Variants in EPHB1 observed in about 807,000 individuals in gnomAD.
The protein encoded by EPHB1 is ephrin type-B receptor 1.
Under a neutral mutation model 94.4 loss-of-function variants are expected in EPHB1, and 30 were observed. The observed-to-expected ratio is 0.32, with a 90% CI of 0.24 to 0.43. The LOEUF is 0.43. Among genes scored for constraint, EPHB1 ranks in the 20% least tolerant of loss-of-function variants. EPHB1 has a pLI of 1.00. For synonymous variants in EPHB1, 522 were observed against 489.1 expected, an observed-to-expected ratio of 1.07 and a Z score of -0.89; for missense variants, 1,055 against 1,308.3, an observed-to-expected ratio of 0.81 and a Z score of 2.99.
At chr3:135,103,499 A>G (rs1939102535) in intron 3 of EPHB1, among the ~76,000 whole-genome samples, 3 of 152,208 alleles carry the variant, frequency 2.0e-5, no homozygotes, top group South Asian at 2.1e-4. Context: ...AGGAGTTAGC[A>G]TTATTTAGCA....
chr3:135,114,284 C>G (rs1180809740), intron 4 of EPHB1, among the ~76,000 whole-genome samples: 1 of 152,034 alleles, frequency 6.6e-6, no homozygotes, highest in Non-Finnish European at 1.5e-5. Flanking sequence ...GGTTCAAGTC[C>G]TGCTCTACTA....
chr3:134,901,600 G>A (rs1479862530), intron 1 of EPHB1, among the ~76,000 whole-genome samples: 1 of 152,224 alleles, frequency 6.6e-6, no homozygotes, highest in Non-Finnish European at 1.5e-5. Context: ...ATATGGGAAA[G>A]GCATCTCACT....
chr3:135,030,243 C>A (rs1329912354), intron 3 of EPHB1, among the ~76,000 whole-genome samples: 1 of 152,222 alleles, frequency 6.6e-6, no homozygotes, highest in African/African-American at 2.4e-5. Context: ...CATTCTCCGT[C>A]CAGCTTTGTT....
chr3:135,129,079 C>A (rs1396653926), intron 4 of EPHB1, among the ~76,000 whole-genome samples: 1 of 152,108 alleles, frequency 6.6e-6, no homozygotes, highest in African/African-American at 2.4e-5. Flanking sequence ...TTCACAAGCC[C>A]CTGTTCATGC....
chr3:135,022,407 T>C (rs573864018), intron 3 of EPHB1, among the ~76,000 whole-genome samples: 1 of 152,322 alleles, frequency 6.6e-6, no homozygotes, highest in East Asian at 1.9e-4. Flanking sequence ...CTAGACAGAA[T>C]TTTATATTTT....
chr3:134,976,279 A>G (rs1042307904), intron 3 of EPHB1, among the ~76,000 whole-genome samples: 4 of 152,210 alleles, frequency 2.6e-5, no homozygotes, highest in Non-Finnish European at 5.9e-5. Context: ...AGGAGGCGCC[A>G]AGGACAGGAT....
intron 3 of EPHB1, among the ~76,000 whole-genome samples, chr3:135,090,908 C>T (rs974835804): frequency 4.6e-5 from 7 of 152,176 alleles, no homozygotes; most frequent in Admixed American, 6.5e-5. Context: ...TTTATGACTT[C>T]GTGACCTGGG....
chr3:135,211,359 T>C (rs1389145601), intron 12 of EPHB1, among the ~76,000 whole-genome samples: 1 of 152,208 alleles, frequency 6.6e-6, no homozygotes, highest in East Asian at 1.9e-4. Context: ...TGTTTTACAT[T>C]GCCTCAAAAT....
At chr3:135,232,281 C>T (rs765867365) in intron 12 of EPHB1, among the ~76,000 whole-genome samples, 1 of 152,224 alleles carries the variant, frequency 6.6e-6, no homozygotes, top group Non-Finnish European at 1.5e-5. Context: ...TCTAATTTGA[C>T]ACAGAAACAC....
At chr3:135,058,841 C>T (rs1937416092) in intron 3 of EPHB1, among the ~76,000 whole-genome samples, 1 of 152,178 alleles carries the variant, frequency 6.6e-6, no homozygotes, top group Non-Finnish European at 1.5e-5. Flanking sequence ...TGCAGGGCTC[C>T]TCCAACATTT....
chr3:135,233,880 A>G (rs934430605), intron 12 of EPHB1, among the ~76,000 whole-genome samples: 4 of 151,950 alleles, frequency 2.6e-5, no homozygotes, highest in African/African-American at 9.7e-5. Flanking sequence ...CTGTACCTTG[A>G]CCCCTTTTGG....
intron 12 of EPHB1, among the ~76,000 whole-genome samples, chr3:135,213,156 C>A (rs1211984634): frequency 1.3e-5 from 2 of 152,210 alleles, no homozygotes; most frequent in Non-Finnish European, 2.9e-5. Context: ...TTGTTTTCCC[C>A]CAGGTGTTCC....
intron 1 of EPHB1, among the ~76,000 whole-genome samples, chr3:134,910,127 C>T (rs900298210): frequency 6.6e-6 from 1 of 152,204 alleles, no homozygotes; most frequent in Non-Finnish European, 1.5e-5. Flanking sequence ...ATCCTTAGGC[C>T]TGGGGCATCT....
chr3:135,102,365 A>G (rs1340517475), intron 3 of EPHB1, among the ~76,000 whole-genome samples: 4 of 152,168 alleles, frequency 2.6e-5, no homozygotes, highest in Non-Finnish European at 5.9e-5. Context: ...AATATTCTTC[A>G]TCAGAAGCCA....
intron 3 of EPHB1, among the ~76,000 whole-genome samples, chr3:135,016,905 C>G (rs1935816817): frequency 6.6e-6 from 1 of 152,174 alleles, no homozygotes. Context: ...CAGAGATTCC[C>G]AGAGTTCTCC....
chr3:135,156,450 G>C (rs1288490601), intron 6 of EPHB1, among the ~76,000 whole-genome samples: 1 of 152,216 alleles, frequency 6.6e-6, no homozygotes, highest in African/African-American at 2.4e-5. Context: ...CTCGTTTCCA[G>C]TGCCCTGTGC....
intron 4 of EPHB1, among the ~76,000 whole-genome samples, chr3:135,123,020 G>A: frequency 6.6e-6 from 1 of 152,204 alleles, no homozygotes; most frequent in Non-Finnish European, 1.5e-5. Context: ...CTCAGGGACA[G>A]GAGCTTTTTC....
chr3:135,220,722 G>C (rs1370375603), intron 12 of EPHB1, among the ~76,000 whole-genome samples: 1 of 151,794 alleles, frequency 6.6e-6, no homozygotes, highest in Non-Finnish European at 1.5e-5. Flanking sequence ...AGAGGACCCA[G>C]GTGACAAGGG....
At chr3:134,796,662 C>A (rs540006847) in intron 1 of EPHB1, among the ~76,000 whole-genome samples, 3 of 152,378 alleles carry the variant, frequency 2.0e-5, no homozygotes, top group Admixed American at 2.0e-4. Flanking sequence ...TTCTTCGCAG[C>A]CTAGCAGCGG....
Sources: allele counts gnomAD v4.1 joint callset (sites outside exome capture counted in the v4.1 genomes callset), GRCh38; gene constraint gnomAD v4.1.1; transcripts MANE v1.5; gene names NCBI Gene and HGNC (gene_info 2026-07-23, HGNC 2026-07-21).